Variants in NBR1 observed in about 807,000 individuals in gnomAD.
NBR1 encodes the protein next to BRCA1 gene 1 protein.
In NBR1, 59 loss-of-function variants were observed where a neutral mutation model predicts 115.5. That is an observed-to-expected ratio of 0.51 (90% confidence interval 0.41 to 0.63). NBR1 has a LOEUF of 0.63. NBR1 is among the 30% of genes least tolerant of loss of function. NBR1 has a pLI of 0.00. For synonymous variants in NBR1, 373 were observed against 414.7 expected (o/e 0.90, Z 1.22); for missense variants, 1,043 against 1,150.5 (o/e 0.91, Z 1.35).
At chr17:43,177,021 A>C (rs2056533445) in intron 2 of NBR1, among the ~76,000 whole-genome samples, 1 of 152,188 alleles carries the variant, frequency 6.6e-6, no homozygotes, top group Non-Finnish European at 1.5e-5. Flanking sequence ...CTAGAATCCC[A>C]GCACTTTGGG....
chr17:43,181,563 G>T (rs1036897889), intron 5 of NBR1, among the ~76,000 whole-genome samples: 2 of 152,244 alleles, frequency 1.3e-5, no homozygotes, highest in African/African-American at 2.4e-5. Context: ...CTACTTGGGA[G>T]GCTGAGGCAG....
chr17:43,186,761 C>T (rs2056812914), intron 6 of NBR1, among the ~76,000 whole-genome samples: 2 of 151,790 alleles, frequency 1.3e-5, no homozygotes, highest in African/African-American at 4.8e-5. Flanking sequence ...TCAGTGAGAA[C>T]ATGCTGTGTT....
At chr17:43,194,542 G>C in intron 13 of NBR1, 43 bp downstream of exon 13, 1 of 1,607,268 alleles carries the variant, frequency 6.2e-7, no homozygotes, top group Non-Finnish European at 8.5e-7. Flanking sequence ...CAGAGGGAGA[G>C]AGCACAGGAG....
At chr17:43,191,634 C>T in intron 10 of NBR1, 53 bp downstream of exon 10, 1 of 1,281,586 alleles carries the variant, frequency 7.8e-7, no homozygotes, top group Non-Finnish European at 1.1e-6. Flanking sequence ...CTCTCTGAAA[C>T]TGGAACTTCA....
At position 43,210,901 on chromosome 17, in the gene NBR1, TAATGTC is replaced by T. The variant is rs1305523985; in HGVS notation, c.*829_*834del. ...TAAATTTAACAGTTGCCTTTTTTCT[TAATGTC>T]AGGGCAGATCTTATTTTACAGTACA... On this transcript the variant is annotated 3_prime_UTR_variant, in exon 21 of 21. Transcript: ENST00000590996. 1 of 394,566 alleles carries T rather than the reference TAATGTC, an allele frequency of 2.5e-6. No homozygotes were observed. The highest frequency in any genetic ancestry group is 4.5e-6 in the Non-Finnish European group (1 of 224,176). 24.4% of individuals were successfully genotyped at this position (394,566 alleles called of 1,614,324 possible). A position where few individuals can be genotyped will look rare whatever the true frequency, so the allele number is the denominator to read the frequency against.
chr17:43,192,796 A>G (rs1313532170), intron 10 of NBR1, among the ~76,000 whole-genome samples: 1 of 152,192 alleles, frequency 6.6e-6, no homozygotes, highest in Non-Finnish European at 1.5e-5. Context: ...AAAGGAACAA[A>G]TGTGTTAAAA....
chr17:43,200,577 G>C lies in NBR1; in HGVS notation c.2437G>C (p.Glu813Gln). The C allele has an allele frequency of 6.2e-7, 1 of 1,608,844 alleles. No individual in the cohort carries two copies. Among genetic ancestry groups the C allele is most frequent in the Non-Finnish European group, 8.5e-7 (1 of 1,175,962 alleles). ...QTLETVPLIP[E>Q]VVELPPSLPR... ...TCTGGAAACAGTGCCCCTAATCCCA[G>C]AGGTAGTGGAGCTTCCACCGTCACT... Residue 813 changes from glutamate (E) to glutamine (Q), a missense_variant, in exon 17 of 21, where the codon GAG becomes CAG. Physicochemically the swap from Glu to Gln is conservative, Grantham distance 29 (BLOSUM62 2). Coordinates refer to ENST00000590996, the MANE Select transcript of NBR1 (RefSeq NM_005899.5).
At chr17:43,199,744 T>A (rs2057152343) in intron 16 of NBR1, among the ~76,000 whole-genome samples, 1 of 152,166 alleles carries the variant, frequency 6.6e-6, no homozygotes, top group Non-Finnish European at 1.5e-5. Flanking sequence ...CATGACTGCA[T>A]CATCTTTGTA....
chr17:43,189,227 G>A, intron 7 of NBR1, 108 bp downstream of exon 7: 2 of 799,782 alleles, frequency 2.5e-6, no homozygotes, highest in Non-Finnish European at 4.4e-6. Context: ...TACCGGTGAA[G>A]AGTGGTAGCT....
rs746574380 is a variant in NBR1 at position 43,200,531 on chromosome 17, C to T, written c.2391C>T (p.Asp797=). 1.9e-6 allele frequency: 3 copies of T among 1,614,010 alleles called. No homozygotes were observed. The highest frequency in any genetic ancestry group is 4.5e-5 in the East Asian group (2 of 44,888). The change falls in exon 17 of 21, where the codon GAC becomes GAT. Residue 797 remains aspartate (D), a synonymous_variant. Coordinates refer to ENST00000590996, the MANE Select transcript of NBR1 (RefSeq NM_005899.5). The stretch of plus-strand genomic sequence containing the variant: ...AGCCACAGGAGCACAGCATAAGTGA[C>T]ATCCTCACGACCTCACAGACTCTGG... ...ENQPQEHSIS[D]ILTTSQTLET...
At chr17:43,175,078 C>T (rs1317418640) in intron 1 of NBR1, among the ~76,000 whole-genome samples, 2 of 151,728 alleles carry the variant, frequency 1.3e-5, no homozygotes, top group Admixed American at 6.6e-5. Context: ...CAGCCTGGGG[C>T]GATAGAGCGA....
rs1169607904 is a variant in NBR1, at chr17:43,189,781, T to C, written c.674T>C (p.Val225Ala). 1.9e-6 allele frequency: 3 copies of C among 1,613,690 alleles called. No individual in the cohort carries two copies. The highest frequency in any genetic ancestry group is 1.7e-5 in the Admixed American group (1 of 59,996). Reference sequence around the variant, plus strand: ...TGCAACAACTGCCAAAGAAGGATTGTTGGTGTCCGCTACCAGTGTAGGTAA... The same window carrying C: ...TGCAACAACTGCCAAAGAAGGATTGCTGGTGTCCGCTACCAGTGTAGGTAA... ...IACNNCQRRI[V>A]GVRYQCSLCP... The change falls in exon 8 of 21, where the codon GTT (valine) becomes GCT (alanine). Residue 225 changes from valine to alanine, a missense_variant. By Grantham distance (64) the Val-to-Ala change is moderately conservative. Transcript: ENST00000590996.
At chr17:43,177,499 C>A (rs2056547124) in intron 2 of NBR1, among the ~76,000 whole-genome samples, 1 of 150,726 alleles carries the variant, frequency 6.6e-6, no homozygotes, top group African/African-American at 2.5e-5. Context: ...TGACAGTGTC[C>A]TGAAGTTTTG....
chr17:43,185,828 C>A (rs2056787439), intron 5 of NBR1, among the ~76,000 whole-genome samples: 1 of 152,240 alleles, frequency 6.6e-6, no homozygotes, highest in East Asian at 1.9e-4. Flanking sequence ...GAAACCCCAT[C>A]TCTACTACAA....
chr17:43,201,640 A>C (rs768900978), intron 17 of NBR1, 46 bp from the exon 18 acceptor site: 43 of 1,156,796 alleles, frequency 3.7e-5, no homozygotes, highest in Non-Finnish European at 5.5e-5. Context: ...CACTGTTGCC[A>C]TAAGTGCCTT....
At position 43,182,423 on chromosome 17, in the gene NBR1, T is replaced by C. The variant is rs181846972; in HGVS notation, c.207+1606T>C. Among the ~76,000 whole-genome samples the C allele has an allele frequency of 2.2e-3, 331 of 151,500 alleles. 6 individuals are homozygous for C. Among genetic ancestry groups the C allele is most frequent in the African/African-American group, 7.7e-3 (317 of 40,930 alleles). ...TTTTAGTAGAGACAGGGTTTCGCCT[T>C]GTTGGCCAGGCTGGTCTCAAACTCC... On this transcript the variant is annotated intron_variant, in intron 5 of 20. Coordinates refer to ENST00000590996, the MANE Select transcript of NBR1 (RefSeq NM_005899.5).
intron 1 of NBR1, among the ~76,000 whole-genome samples, chr17:43,171,709 C>A (rs776692727): frequency 3.3e-5 from 5 of 152,196 alleles, no homozygotes; most frequent in Non-Finnish European, 4.4e-5. Context: ...TCATCCCATC[C>A]TCGTTTTTTC....
intron 16 of NBR1, among the ~76,000 whole-genome samples, chr17:43,197,652 C>G (rs748577458): frequency 5.9e-5 from 9 of 152,134 alleles, no homozygotes; most frequent in African/African-American, 9.7e-5. Context: ...GGCAGAATTA[C>G]AGCTGCATTC....
chr17:43,174,275 T>C (rs1389634999), intron 1 of NBR1, among the ~76,000 whole-genome samples: 1 of 152,142 alleles, frequency 6.6e-6, no homozygotes, highest in African/African-American at 2.4e-5. Context: ...TCTACTTTTG[T>C]ATAGATTTAA....
Sources: gnomAD v4.1 joint callset for allele counts (sites outside exome capture counted in the v4.1 genomes callset) on GRCh38, gnomAD v4.1.1 for gene constraint, MANE v1.5 for transcripts, NCBI Gene and HGNC (gene_info 2026-07-23, HGNC 2026-07-21) for gene names.